The following ACP3 variants were observed in gnomAD, a reference collection of about 807,000 sequenced individuals.
ACP3 encodes the protein acid phosphatase 3, also known as prostatic acid phosphatase.
ACP3 carries 38 observed loss-of-function variants against 45.6 expected under a neutral mutation model. That is an observed-to-expected ratio of 0.83 (90% CI 0.64 to 1.09). ACP3 has a LOEUF of 1.09. ACP3 is among the 50% of genes least tolerant of loss of function. The pLI is 0.00. For synonymous variants in ACP3, 162 were observed against 164.7 expected, an observed-to-expected ratio of 0.98 and a Z score of 0.13; for missense variants, 466 against 463.2, an observed-to-expected ratio of 1.01 and a Z score of -0.05.
Position 132,340,175 on chromosome 3 carries a change from C to A in ACP3, c.556-2377C>A, listed in dbSNP as rs567839286. Among the ~76,000 whole-genome samples, 36 of 152,046 alleles carry A rather than the reference C, an allele frequency of 2.4e-4. No individual in the cohort carries two copies. The South Asian group carries it at 7.3e-3, about 31-fold the overall frequency. ...CTAGAAACACAAAAAATTAGCCAGG[C>A]GTGGTGGCAGGCGCCTGTAATCCCA... On this transcript the variant is annotated intron_variant, in intron 5 of 9. Transcript: ENST00000336375.
chr3:132,328,537 G>A (rs928290035), intron 2 of ACP3, among the ~76,000 whole-genome samples, 175 bp downstream of exon 2: 1 of 152,088 alleles, frequency 6.6e-6, no homozygotes, highest in East Asian at 1.9e-4. Flanking sequence ...AAATTAGCCA[G>A]GATTGGTGGT....
chr3:132,345,991 G>A (rs1410876381), intron 7 of ACP3, among the ~76,000 whole-genome samples: 4 of 152,218 alleles, frequency 2.6e-5, no homozygotes, highest in Non-Finnish European at 5.9e-5. Context: ...CCAAGCCACA[G>A]GAGATGGTCC....
intron 10 of ACP3, among the ~76,000 whole-genome samples, chr3:132,363,923 T>C (rs1314492072): frequency 6.6e-6 from 1 of 151,930 alleles, no homozygotes; most frequent in African/African-American, 2.4e-5. Flanking sequence ...GGCAATGAAG[T>C]GAAACTCCAT....
At chr3:132,321,544 A>G (rs572998792) in intron 1 of ACP3, among the ~76,000 whole-genome samples, 1 of 152,336 alleles carries the variant, frequency 6.6e-6, no homozygotes, top group South Asian at 2.1e-4. Flanking sequence ...AGCCAGGCTC[A>G]GTTCAGTTTG....
At chr3:132,353,397 T>C (rs549161365) in intron 9 of ACP3, among the ~76,000 whole-genome samples, 9 of 152,280 alleles carry the variant, frequency 5.9e-5, no homozygotes, top group Admixed American at 5.2e-4. Context: ...ACATGTGAAT[T>C]TCATTGTTAA....
chr3:132,367,773 A>T (rs1938154061), exon 11 of ACP3: 3 of 1,613,752 alleles, frequency 1.9e-6, no homozygotes, highest in Admixed American at 3.3e-5. Context: ...CTGTTTATCC[A>T]CATTCGCCGT....
At position 132,328,380 on chromosome 3, in the gene ACP3, C is replaced by T. The variant is rs749478540; in HGVS notation, c.216+18C>T. ...TCACCCAGGTTGGTTGGACTTTTAG[C>T]TAAAGATTGTTGATGAAGCTGGGTG... On this transcript the variant is annotated intron_variant, in intron 2 of 9. Coordinates refer to ENST00000336375, the MANE Select transcript of ACP3 (RefSeq NM_001099.5). 2 of 1,603,596 alleles carry T rather than the reference C, an allele frequency of 1.2e-6. No individual in the cohort carries two copies. Among genetic ancestry groups the T allele is most frequent in the South Asian group, 2.2e-5 (2 of 90,846 alleles).
chr3:132,346,383 C>T (rs754266819), intron 7 of ACP3, among the ~76,000 whole-genome samples: 3 of 152,146 alleles, frequency 2.0e-5, no homozygotes, highest in South Asian at 2.1e-4. Context: ...TGGCCATTAA[C>T]GACATGAGGT....
At chr3:132,351,130 T>G (rs1384224672) in intron 8 of ACP3, among the ~76,000 whole-genome samples, 1 of 152,038 alleles carries the variant, frequency 6.6e-6, no homozygotes, top group Non-Finnish European at 1.5e-5. Flanking sequence ...GATTAGGCAA[T>G]GGGTTTGAAA....
chr3:132,322,150 T>C lies in ACP3; in HGVS notation c.120+4574T>C, dbSNP rs189820110. ...GAGTTTGAACCCAGGTCTAACCAAC[T>C]GAAAACCCAGACCTTTTCTGATATA... On this transcript the variant is annotated intron_variant, in intron 1 of 9. Coordinates refer to ENST00000336375, the MANE Select transcript of ACP3 (RefSeq NM_001099.5). Among the ~76,000 whole-genome samples, 15 of 152,338 alleles carry C rather than the reference T, an allele frequency of 9.8e-5. No homozygotes were observed. The East Asian group carries it at 2.3e-3, about 23-fold the overall frequency.
intron 6 of ACP3, among the ~76,000 whole-genome samples, chr3:132,343,703 G>A (rs1000243674): frequency 6.6e-6 from 1 of 152,062 alleles, no homozygotes; most frequent in Non-Finnish European, 1.5e-5. Context: ...GAAACTGGGG[G>A]ACTCCTAATC....
exon 11 of ACP3, chr3:132,368,004 G>A (rs1020627286): frequency 3.3e-5 from 19 of 567,446 alleles, no homozygotes; most frequent in Middle Eastern, 4.8e-4. Flanking sequence ...GAACACTCAG[G>A]CTACCTAGGT....
In ACP3 at chr3:132,336,204, G is replaced by A. The variant is rs183188643; in HGVS notation, c.457-1252G>A. Reference sequence around the variant, plus strand: ...GAACCTGGGAAGCAGAGCTTGCAATGAGCCGAGATCGCGCCACTGCACTCC... The same window carrying A: ...GAACCTGGGAAGCAGAGCTTGCAATAAGCCGAGATCGCGCCACTGCACTCC... On this transcript the variant is annotated intron_variant, in intron 4 of 9. Coordinates refer to ENST00000336375, the MANE Select transcript of ACP3 (RefSeq NM_001099.5). 2.6e-3 allele frequency among the ~76,000 whole-genome samples: 399 copies of A among 152,292 alleles called. 1 individual carries two copies. Among genetic ancestry groups the A allele is most frequent in the African/African-American group, 8.8e-3 (366 of 41,560 alleles).
rs543330936 is a variant in ACP3 at position 132,341,178 on chromosome 3, A to G, written c.556-1374A>G. ...TGGCCACTACTTACAGTATAATGTT[A>G]TGGGCAGTGTTGGTAGCGGGTATTC... On this transcript the variant is annotated intron_variant, in intron 5 of 9. Coordinates refer to ENST00000336375, the MANE Select transcript of ACP3 (RefSeq NM_001099.5). Among the ~76,000 whole-genome samples the G allele has an allele frequency of 1.2e-3, 187 of 152,254 alleles. 1 individual carries two copies. The highest frequency in any genetic ancestry group is 4.0e-3 in the African/African-American group (165 of 41,572).
intron 4 of ACP3, among the ~76,000 whole-genome samples, chr3:132,335,605 GA>G (rs1384333800): frequency 2.0e-5 from 3 of 152,170 alleles, no homozygotes; most frequent in Non-Finnish European, 4.4e-5. Context: ...GTCAGATGGC[GA>G]TGAGTTCCTG....
rs1020504091 is a variant in ACP3, at chr3:132,357,178, A to G, written c.*300A>G. On this transcript the variant is annotated 3_prime_UTR_variant, in exon 10 of 10. Coordinates refer to ENST00000336375, the MANE Select transcript of ACP3 (RefSeq NM_001099.5). ...AAAGTTCATAGAGTTCCCATGAACT[A>G]TATGACTGGCCACACAGGATCTTTT... 1.0e-5 allele frequency: 11 copies of G among 1,056,160 alleles called. No individual in the cohort carries two copies. The highest frequency in any genetic ancestry group is 3.4e-5 in the African/African-American group (2 of 59,552). The allele number at this position is 1,056,160 out of a possible 1,614,324, so 65.4% of individuals were successfully genotyped here. A position where few individuals can be genotyped will look rare whatever the true frequency, so the allele number is the denominator to read the frequency against.
downstream of ACP3, among the ~76,000 whole-genome samples, chr3:132,361,245 G>A (rs1233630159): frequency 1.3e-5 from 2 of 152,058 alleles, no homozygotes; most frequent in Admixed American, 6.6e-5. Context: ...ATCCAGCACC[G>A]CTCCTCCCTC....
downstream of ACP3, among the ~76,000 whole-genome samples, chr3:132,362,659 T>C (rs1452896661): frequency 6.6e-6 from 1 of 152,118 alleles, no homozygotes; most frequent in African/African-American, 2.4e-5. Flanking sequence ...GAAGGCTTCT[T>C]GGAGGAGTGA....
At chr3:132,323,515 G>C (rs1937241940) in intron 1 of ACP3, among the ~76,000 whole-genome samples, 1 of 152,148 alleles carries the variant, frequency 6.6e-6, no homozygotes, top group African/African-American at 2.4e-5. Flanking sequence ...TAGAGATTGA[G>C]CAAGAATTAT....
Sources: allele counts gnomAD v4.1 joint callset (sites outside exome capture counted in the v4.1 genomes callset), GRCh38; gene constraint gnomAD v4.1.1; transcripts MANE v1.5; gene names NCBI Gene and HGNC (gene_info 2026-07-23, HGNC 2026-07-21).